SPEG: variants seen among roughly 807,000 people sequenced by gnomAD.
SPEG encodes striated muscle enriched protein kinase.
A neutral mutation model predicts 300.4 loss-of-function variants in SPEG; 114 were observed. The ratio of observed to expected loss-of-function variants is 0.38; its 90% confidence interval spans 0.33 to 0.44. The LOEUF (loss-of-function observed/expected upper bound fraction) is 0.44, where lower values mean the gene tolerates loss of function less well. Ranked by LOEUF, SPEG falls within the 20% of genes least tolerant of loss-of-function variation. The pLI is 1.00. For synonymous variants in SPEG, 1,964 were observed against 2,018.9 expected (o/e 0.97, Z 0.73); for missense variants, 4,201 against 4,586.2 (o/e 0.92, Z 2.43).
At chr2:219,465,659 C>T in intron 9 of SPEG, 2 of 300,590 alleles carry the variant, frequency 6.7e-6, no homozygotes, top group Non-Finnish European at 1.2e-5. Context: ...GCCCAGGAAC[C>T]CCGAGGAACC....
In SPEG at chr2:219,489,647, C is replaced by T. The variant is rs757207859; in HGVS notation, c.8629C>T (p.Leu2877Phe). The change falls in exon 36 of 41, where the codon CTT (leucine) becomes TTT (phenylalanine). Residue 2877 changes from leucine (L) to phenylalanine (F), a missense_variant. This residue lies in a region of SPEG where 1,578 missense variants were observed against 1,506.0 expected (regional missense o/e 1.05). Coordinates refer to ENST00000312358, the MANE Select transcript of SPEG (RefSeq NM_005876.5). ...CCCAAGTGAGCCCAAGCCTTTCGTC[C>T]TTGACACTGGGACCCCGATCCCAGC... Reference protein sequence around the residue: ...VTPSEPKPFVLDTGTPIPAST... With the variant: ...VTPSEPKPFVFDTGTPIPAST... The T allele has an allele frequency of 1.9e-6, 3 of 1,613,904 alleles. No individual in the cohort carries two copies. The highest frequency in any genetic ancestry group is 2.5e-6 in the Non-Finnish European group (3 of 1,180,018).
Position 219,476,851 on chromosome 2 carries a change from C to G in SPEG, c.4448-19C>G, listed in dbSNP as rs1385632082. 3.7e-6 allele frequency: 6 copies of G among 1,602,152 alleles called. No individual in the cohort carries two copies. Among genetic ancestry groups the G allele is most frequent in the African/African-American group, 1.3e-5 (1 of 74,666 alleles). ...CCCCTAGCCCCTTCTCTTCCCACCC[C>G]TATCCCCATGTGTTTCAGAGGCCCC... On this transcript the variant is annotated intron_variant, in intron 18 of 40. Transcript: ENST00000312358.
rs1180724173 is a variant in SPEG, at chr2:219,488,980, G to C, written c.8150-74G>C. ...TCTGGTAAGGCCAGTGCCCTCCCAGGCTCCACAGATAGCACCGTGGGAGCT... is the reference window on the plus strand; with the variant it reads ...TCTGGTAAGGCCAGTGCCCTCCCAGCCTCCACAGATAGCACCGTGGGAGCT... On this transcript the variant is annotated intron_variant, in intron 34 of 40. Coordinates refer to ENST00000312358, the MANE Select transcript of SPEG (RefSeq NM_005876.5). 35 of 1,605,046 alleles carry C rather than the reference G, an allele frequency of 2.2e-5. No individual in the cohort carries two copies. In the South Asian group the frequency reaches 2.4e-4, roughly 11 times the overall value.
At chr2:219,489,961 A>T (rs1288487549) in intron 36 of SPEG, 22 bp downstream of exon 36, 3 of 1,545,784 alleles carry the variant, frequency 1.9e-6, no homozygotes, top group East Asian at 4.5e-5. Flanking sequence ...TGGGGAAGGG[A>T]AGAGGACAGA....
chr2:219,448,947 C>T lies in SPEG; in HGVS notation c.1789C>T (p.Pro597Ser), dbSNP rs973216636. The T allele has an allele frequency of 7.3e-6, 11 of 1,503,874 alleles. No individual in the cohort carries two copies. The African/African-American group carries it at 1.5e-4, about 20-fold the overall frequency. 93.2% of individuals were successfully genotyped at this position (1,503,874 alleles called of 1,614,324 possible). A position where few individuals can be genotyped will look rare whatever the true frequency, so the allele number is the denominator to read the frequency against. ...QQEVRRRDQFPLTRSRAIQEC... is the reference protein window; with the variant it reads ...QQEVRRRDQFSLTRSRAIQEC... ...GGAGGTTAGGCGTCGGGACCAATTC[C>T]CGCTGACCCGGAGCAGAGCCATCCA... The change falls in exon 4 of 41, where the codon CCG (proline) becomes TCG (serine). Residue 597 changes from proline to serine, a missense_variant. By Grantham distance (74) the Pro-to-Ser change is moderately conservative. Coordinates refer to ENST00000312358, the MANE Select transcript of SPEG (RefSeq NM_005876.5).
At chr2:219,469,077 G>A in intron 12 of SPEG, 29 bp downstream of exon 12, 1 of 1,608,916 alleles carries the variant, frequency 6.2e-7, no homozygotes, top group Non-Finnish European at 8.5e-7. Context: ...ATGATGCTGG[G>A]GCTGCCTGTG....
At chr2:219,468,010 C>T (rs1013547717) in intron 10 of SPEG, among the ~76,000 whole-genome samples, 2 of 152,236 alleles carry the variant, frequency 1.3e-5, no homozygotes, top group Admixed American at 6.5e-5. Context: ...TGGCACCTGC[C>T]TTGCTACGTT....
intron 36 of SPEG, 78 bp from the exon 37 acceptor site, chr2:219,490,331 C>T: frequency 6.5e-7 from 1 of 1,534,534 alleles, no homozygotes; most frequent in South Asian, 1.2e-5. Flanking sequence ...GGTCCCTGCT[C>T]TCCTCCGTTA....
At chr2:219,475,181 G>T (rs769558903) in intron 18 of SPEG, among the ~76,000 whole-genome samples, 5 of 152,008 alleles carry the variant, frequency 3.3e-5, no homozygotes, top group African/African-American at 1.2e-4. Context: ...TTTCTAATTT[G>T]TTAATTAACT....
In SPEG at chr2:219,439,472, C is replaced by A. The variant is rs1197792746; in HGVS notation, c.388+4107C>A. Among the ~76,000 whole-genome samples, 1 of 152,120 alleles carries A rather than the reference C, an allele frequency of 6.6e-6. No homozygotes were observed. Among genetic ancestry groups the A allele is most frequent in the African/African-American group, 2.4e-5 (1 of 41,430 alleles). On this transcript the variant is annotated intron_variant, in intron 1 of 40. Transcript: ENST00000312358. The surrounding 1 kb of genome is among the most constrained non-coding windows in gnomAD (Gnocchi z 4.5). The stretch of plus-strand genomic sequence containing the variant: ...TAAATGAGAGAAGGGAGAAACTGAA[C>A]TGAGGCAGGAAAGAGGAGACAAAAG...
chr2:219,442,210 CCCCGCCG>C (rs1379014384), intron 1 of SPEG: 168 of 566,882 alleles, frequency 3.0e-4, no homozygotes, highest in Non-Finnish European at 2.5e-4. Context: ...CCCACCCGAG[CCCCGCCG>C]AGGGCGGCGG....
chr2:219,442,458 C>A (rs1295278423), intron 1 of SPEG, among the ~76,000 whole-genome samples: 2 of 149,752 alleles, frequency 1.3e-5, no homozygotes, highest in Non-Finnish European at 3.0e-5. Context: ...CCTGCCCCAG[C>A]CCCCCACTCT....
At position 219,479,809 on chromosome 2, in the gene SPEG, A is replaced by G. The variant is rs374527862; in HGVS notation, c.5112A>G (p.Leu1704=). ...TCCGGGCCTATATGCGGCAGGTGCTAGAGGGAATACACTACCTGCACCAGA... is the reference window on the plus strand; with the variant it reads ...TCCGGGCCTATATGCGGCAGGTGCTGGAGGGAATACACTACCTGCACCAGA... ...SEIRAYMRQV[L]EGIHYLHQSH... The change falls in exon 24 of 41, where the codon CTA becomes CTG. Residue 1704 remains leucine, a synonymous_variant. Transcript: ENST00000312358. The surrounding 1 kb of genome is among the most constrained non-coding windows in gnomAD (Gnocchi z 5.5). The G allele has an allele frequency of 5.6e-6, 9 of 1,613,998 alleles. No individual in the cohort carries two copies. Among genetic ancestry groups the G allele is most frequent in the Middle Eastern group, 1.6e-4 (1 of 6,062 alleles).
At position 219,492,888 on chromosome 2, in the gene SPEG, G is replaced by A. The variant is rs1275796881; in HGVS notation, c.*102G>A. On this transcript the variant is annotated 3_prime_UTR_variant, in exon 41 of 41. Coordinates refer to ENST00000312358, the MANE Select transcript of SPEG (RefSeq NM_005876.5). The stretch of plus-strand genomic sequence containing the variant: ...TGAGCCAGGCGGGCCTGGGGCTTCG[G>A]TTACCACCAGCAGCAACATCTGGCT... 5 of 1,184,356 alleles carry A rather than the reference G, an allele frequency of 4.2e-6. No homozygotes were observed. In the South Asian group the frequency reaches 5.2e-5, roughly 12 times the overall value. 73.4% of individuals were successfully genotyped at this position (1,184,356 alleles called of 1,614,324 possible). A position where few individuals can be genotyped will look rare whatever the true frequency, so the allele number is the denominator to read the frequency against.
rs557439205 is a variant in SPEG, at chr2:219,484,072, G to A, written c.6609G>A (p.Pro2203=). The change falls in exon 30 of 41, where the codon CCG becomes CCA. Residue 2203 remains proline, a synonymous_variant. Transcript: ENST00000312358. ...EPSATTPSDA[P]QPPAPQPAQD... ...CTGCCACCACACCTAGTGATGCTCC[G>A]CAGCCCCCCGCACCCCAGCCTGCCC... The A allele has an allele frequency of 9.3e-6, 15 of 1,613,554 alleles. No individual in the cohort carries two copies. Among genetic ancestry groups the A allele is most frequent in the South Asian group, 5.5e-5 (5 of 91,050 alleles).
intron 31 of SPEG, 139 bp from the exon 32 acceptor site, chr2:219,488,055 A>C: frequency 3.1e-6 from 2 of 651,856 alleles, no homozygotes; most frequent in Non-Finnish European, 5.5e-6. Context: ...GTGGGGTTCC[A>C]CTTTCCACAT....
chr2:219,471,944 C>T lies in SPEG; in HGVS notation c.3792C>T (p.Asn1264=). The T allele has an allele frequency of 1.2e-6, 2 of 1,613,862 alleles. No individual in the cohort carries two copies. The highest frequency in any genetic ancestry group is 1.1e-5 in the South Asian group (1 of 91,086). ...HAGVYKSVIA[N]KLGKAACYAH... ...GTGTCTACAAGAGCGTCATTGCCAA[C>T]AAGCTGGGCAAAGCTGCCTGCTATG... Residue 1264 remains asparagine (N), a synonymous_variant, in exon 14 of 41, where the codon AAC becomes AAT. Transcript: ENST00000312358.
chr2:219,435,434 C>T, intron 1 of SPEG, 69 bp downstream of exon 1: 1 of 1,445,742 alleles, frequency 6.9e-7, no homozygotes, highest in Non-Finnish European at 9.1e-7. Context: ...GCTGCCCAGG[C>T]CACGCGGGTA....
At chr2:219,466,084 C>T in intron 9 of SPEG, 1 of 1,597,934 alleles carries the variant, frequency 6.3e-7, no homozygotes. Context: ...GCCACCTGTG[C>T]TCCCCCCGCT....
Sources: allele counts gnomAD v4.1 joint callset (sites outside exome capture counted in the v4.1 genomes callset), GRCh38; gene constraint gnomAD v4.1.1; regional missense constraint gnomAD v4.1.1; non-coding constraint Gnocchi (gnomAD v3.1); transcripts MANE v1.5; gene names NCBI Gene and HGNC (gene_info 2026-07-23, HGNC 2026-07-21).